COL19A1: variants seen among roughly 807,000 people sequenced by gnomAD.
COL19A1 encodes the protein collagen alpha-1(XIX) chain.
COL19A1 carries 159 observed loss-of-function variants against 190.2 expected under a neutral mutation model. That is an observed-to-expected ratio of 0.84 (90% CI 0.73 to 0.95). COL19A1 has a LOEUF of 0.95. Ranked by LOEUF, COL19A1 falls within the 40% of genes least tolerant of loss-of-function variation. The pLI, the probability that COL19A1 is intolerant of heterozygous loss-of-function variation, is 0.00. For missense variants in COL19A1, 1,418 were observed against 1,431.9 expected (o/e 0.99, Z 0.16); for synonymous variants, 509 against 458.9 (o/e 1.11, Z -1.39).
At chr6:70,035,230 T>G (rs538612071) in intron 13 of COL19A1, among the ~76,000 whole-genome samples, 1 of 152,150 alleles carries the variant, frequency 6.6e-6, no homozygotes, top group South Asian at 2.1e-4. Context: ...ATAAATAAAG[T>G]TCCTGGGAAA....
chr6:70,123,789 T>C (rs1458359041), intron 17 of COL19A1, among the ~76,000 whole-genome samples: 1 of 131,012 alleles, frequency 7.6e-6, no homozygotes, highest in African/African-American at 2.9e-5. Context: ...GGAAGGGGAA[T>C]ATCACACTCT....
chr6:70,068,069 T>C (rs1363684800), intron 14 of COL19A1, among the ~76,000 whole-genome samples: 1 of 151,970 alleles, frequency 6.6e-6, no homozygotes, highest in East Asian at 1.9e-4. Flanking sequence ...ATTTATAGAG[T>C]TTAAATGTAT....
chr6:70,198,154 T>C (rs1409893285), intron 48 of COL19A1, among the ~76,000 whole-genome samples: 1 of 152,224 alleles, frequency 6.6e-6, no homozygotes, highest in Non-Finnish European at 1.5e-5. Flanking sequence ...TGGAAGTAAC[T>C]CTTTACAAGA....
At chr6:70,170,069 T>A (rs1765407188) in intron 40 of COL19A1, among the ~76,000 whole-genome samples, 1 of 152,152 alleles carries the variant, frequency 6.6e-6, no homozygotes. Flanking sequence ...GGATGAAGAA[T>A]AAAAACTGAT....
chr6:70,140,922 G>T, intron 19 of COL19A1, 32 bp from the exon 20 acceptor site: 1 of 1,606,576 alleles, frequency 6.2e-7, no homozygotes, highest in East Asian at 2.2e-5. Flanking sequence ...TTCTAAGAGC[G>T]TTTAATTCTA....
At chr6:70,073,162 AT>A (rs1432810439) in intron 15 of COL19A1, among the ~76,000 whole-genome samples, 2 of 151,868 alleles carry the variant, frequency 1.3e-5, no homozygotes, top group African/African-American at 4.8e-5. Flanking sequence ...GAATTTTTGT[AT>A]TTTTAGTAGA....
intron 15 of COL19A1, among the ~76,000 whole-genome samples, chr6:70,077,058 A>C (rs1781925632): frequency 6.6e-6 from 1 of 152,210 alleles, no homozygotes; most frequent in African/African-American, 2.4e-5. Context: ...AGAAATGCAA[A>C]ACATTCGGAG....
intron 19 of COL19A1, among the ~76,000 whole-genome samples, chr6:70,138,467 CAGTG>C (rs1786014483): frequency 6.6e-6 from 1 of 152,070 alleles, no homozygotes; most frequent in Admixed American, 6.6e-5. Context: ...TTTCAAGAAT[CAGTG>C]AGAATCAGGC....
At position 70,161,941 on chromosome 6, in the gene COL19A1, G is replaced by C. The variant is rs764774923; in HGVS notation, c.2334G>C (p.Pro778=). ...GIPGIPGAPG[P]TGPPGLMGRT... is the part of the protein sequence containing the mutation. ...CAGGCATTCCAGGTGCTCCAGGCCC[G>C]ACTGGACCCCCTGTAAGTATTTGTT... The change falls in exon 35 of 51, where the codon CCG becomes CCC. Residue 778 remains proline, a synonymous_variant. Coordinates refer to ENST00000620364, the MANE Select transcript of COL19A1 (RefSeq NM_001858.6). 5 of 1,604,014 alleles carry C rather than the reference G, an allele frequency of 3.1e-6. No homozygotes were observed. Among genetic ancestry groups the C allele is most frequent in the East Asian group, 4.5e-5 (2 of 44,336 alleles).
At chr6:70,097,720 T>C (rs1221777949) in intron 15 of COL19A1, among the ~76,000 whole-genome samples, 1 of 152,174 alleles carries the variant, frequency 6.6e-6, no homozygotes, top group Non-Finnish European at 1.5e-5. Flanking sequence ...GGCAACTTAA[T>C]AGAGTAAATC....
intron 6 of COL19A1, among the ~76,000 whole-genome samples, chr6:69,931,434 A>G (rs773111428): frequency 5.3e-5 from 8 of 152,294 alleles, no homozygotes; most frequent in Non-Finnish European, 1.2e-4. Context: ...TTGATCATCT[A>G]TCTTTAGTTA....
Position 70,137,708 on chromosome 6 carries a change from T to C in COL19A1, c.1407T>C (p.Phe469=). Residue 469 remains phenylalanine (F), a synonymous_variant, in exon 19 of 51, where the codon TTT becomes TTC. Coordinates refer to ENST00000620364, the MANE Select transcript of COL19A1 (RefSeq NM_001858.6). ...AGGGTGAAACTGGACTACCAGGATT[T>C]CCAGGGTCTGTTGGCCCTAAAGGAC... is the stretch of plus-strand genomic sequence containing the variant. ...GDKGETGLPG[F]PGSVGPKGQK... The C allele has an allele frequency of 6.2e-7, 1 of 1,613,410 alleles. No individual in the cohort carries two copies. The highest frequency in any genetic ancestry group is 8.5e-7 in the Non-Finnish European group (1 of 1,179,470).
intron 15 of COL19A1, among the ~76,000 whole-genome samples, chr6:70,097,723 A>C (rs1192580477): frequency 2.6e-5 from 4 of 152,144 alleles, no homozygotes; most frequent in Non-Finnish European, 5.9e-5. Context: ...AACTTAATAG[A>C]GTAAATCTGT....
intron 46 of COL19A1, among the ~76,000 whole-genome samples, chr6:70,186,060 G>T (rs1016825507): frequency 6.6e-6 from 1 of 151,992 alleles, no homozygotes. Flanking sequence ...TCTTGTAAGT[G>T]TCTTTTTTCA....
At chr6:70,083,014 G>A (rs2150166269) in intron 15 of COL19A1, among the ~76,000 whole-genome samples, 1 of 152,288 alleles carries the variant, frequency 6.6e-6, no homozygotes, top group East Asian at 1.9e-4. Context: ...CTCCTGCTGT[G>A]CAGCCCGGTT....
chr6:70,068,581 G>A, intron 15 of COL19A1, 105 bp downstream of exon 15: 1 of 649,428 alleles, frequency 1.5e-6, no homozygotes. Flanking sequence ...ATGGGCATAT[G>A]GAGAGTATCA....
chr6:70,031,962 G>T (rs1275168175), intron 12 of COL19A1, among the ~76,000 whole-genome samples: 4 of 152,144 alleles, frequency 2.6e-5, no homozygotes. Flanking sequence ...AAGCGATAAG[G>T]AAGACATTTT....
chr6:70,168,016 T>A lies in COL19A1; in HGVS notation c.2446-9T>A. The A allele has an allele frequency of 6.3e-7, 1 of 1,579,810 alleles. No homozygotes were observed. Among genetic ancestry groups the A allele is most frequent in the East Asian group, 2.2e-5 (1 of 44,544 alleles). ...CAAGAATAATTCTGTATCTCACCTC[T>A]TTCCTAAGGGTATTCCATTTAATGA... On this transcript the variant is annotated splice_polypyrimidine_tract_variant and intron_variant, in intron 37 of 50. Transcript: ENST00000620364.
At chr6:69,930,322 C>T (rs959611940) in intron 6 of COL19A1, among the ~76,000 whole-genome samples, 15 of 152,072 alleles carry the variant, frequency 9.9e-5, no homozygotes, top group African/African-American at 3.4e-4. Context: ...TTATTGATTT[C>T]CCTAGAGAAC....
Sources: gnomAD v4.1 joint callset for allele counts (sites outside exome capture counted in the v4.1 genomes callset) on GRCh38, gnomAD v4.1.1 for gene constraint, MANE v1.5 for transcripts, NCBI Gene and HGNC (gene_info 2026-07-23, HGNC 2026-07-21) for gene names.